The following CD200R1 variants were observed in gnomAD, a reference collection of about 807,000 sequenced individuals.
The protein encoded by CD200R1 is CD200 receptor 1.
Under a neutral mutation model 38.1 loss-of-function variants are expected in CD200R1, and 30 were observed. That is an observed-to-expected ratio of 0.79 (90% CI 0.59 to 1.07). The LOEUF is 1.07. Ranked by LOEUF, CD200R1 falls within the 50% of genes least tolerant of loss-of-function variation. The pLI is 0.00. For missense variants in CD200R1, 372 were observed against 415.4 expected (o/e 0.90, Z 0.91); for synonymous variants, 128 against 152.1 (o/e 0.84, Z 1.16).
chr3:112,943,565 G>A (rs527993854), intron 2 of CD200R1, among the ~76,000 whole-genome samples: 6 of 151,570 alleles, frequency 4.0e-5, no homozygotes, highest in East Asian at 3.9e-4. Flanking sequence ...CCAACTTTAC[G>A]AAACTAGAAA....
At chr3:112,957,991 C>G (rs575811359) in intron 1 of CD200R1, among the ~76,000 whole-genome samples, 1 of 151,972 alleles carries the variant, frequency 6.6e-6, no homozygotes, top group African/African-American at 2.4e-5. Flanking sequence ...AATAATAAAT[C>G]CTGGCAAGAA....
chr3:112,957,290 T>C (rs968107616), intron 1 of CD200R1, among the ~76,000 whole-genome samples: 1 of 152,236 alleles, frequency 6.6e-6, no homozygotes, highest in Non-Finnish European at 1.5e-5. Context: ...TTCAAATTGA[T>C]GTTTATATGG....
intron 1 of CD200R1, among the ~76,000 whole-genome samples, chr3:112,972,403 C>A (rs930636172): frequency 2.0e-5 from 3 of 151,948 alleles, no homozygotes; most frequent in African/African-American, 2.4e-5. Flanking sequence ...AAAATTAGCC[C>A]AAAGAAGGAA....
At chr3:112,940,975 A>G (rs1022355095) in intron 2 of CD200R1, among the ~76,000 whole-genome samples, 2 of 151,886 alleles carry the variant, frequency 1.3e-5, no homozygotes, top group African/African-American at 4.8e-5. Context: ...ATTCAGCCAT[A>G]AAAAATGAAA....
chr3:112,974,177 T>C lies in CD200R1; in HGVS notation c.67+614A>G, dbSNP rs749654585. On this transcript the variant is annotated intron_variant, in intron 1 of 7. Transcript: ENST00000308611. ...GAGGCTGGGTGCAGTGGCTCATGCC[T>C]GTAATCCCAATGCTTTGGGAGTCTG... 7.2e-5 allele frequency among the ~76,000 whole-genome samples: 11 copies of C among 152,098 alleles called. No individual in the cohort carries two copies. The South Asian group carries it at 2.3e-3, about 32-fold the overall frequency.
At chr3:112,946,412 A>G (rs1559951240) in intron 2 of CD200R1, among the ~76,000 whole-genome samples, 1 of 152,240 alleles carries the variant, frequency 6.6e-6, no homozygotes, top group Non-Finnish European at 1.5e-5. Flanking sequence ...TTCAAAAGAC[A>G]TATCCGATAA....
intron 2 of CD200R1, among the ~76,000 whole-genome samples, chr3:112,931,502 G>T (rs1036557568): frequency 2.0e-5 from 3 of 152,144 alleles, no homozygotes; most frequent in African/African-American, 4.8e-5. Context: ...TCTCACATGA[G>T]CTGGTCCAAT....
At chr3:112,943,463 G>A (rs919938667) in intron 2 of CD200R1, among the ~76,000 whole-genome samples, 3 of 151,770 alleles carry the variant, frequency 2.0e-5, no homozygotes, top group Non-Finnish European at 4.4e-5. Flanking sequence ...CAAAATTTGT[G>A]GATGCAGCAG....
intron 1 of CD200R1, among the ~76,000 whole-genome samples, chr3:112,953,420 A>G (rs1045996225): frequency 2.0e-5 from 3 of 152,062 alleles, no homozygotes; most frequent in African/African-American, 7.2e-5. Context: ...TTTTCTTTTT[A>G]TCTGGCGTCC....
intron 1 of CD200R1, among the ~76,000 whole-genome samples, chr3:112,963,084 A>T (rs1933062620): frequency 1.3e-5 from 2 of 152,352 alleles, no homozygotes; most frequent in South Asian, 4.1e-4. Context: ...GTCTGCTGCC[A>T]TGTAAGATGT....
chr3:112,971,509 G>A (rs992087827), intron 1 of CD200R1, among the ~76,000 whole-genome samples: 3 of 152,070 alleles, frequency 2.0e-5, no homozygotes, highest in South Asian at 2.1e-4. Context: ...ATACCTCAGC[G>A]GCATCACAGA....
Position 112,934,699 on chromosome 3 carries a change from G to A in CD200R1, c.137-3528C>T, listed in dbSNP as rs6804725. On this transcript the variant is annotated intron_variant, in intron 2 of 7. Coordinates refer to ENST00000308611, the MANE Select transcript of CD200R1 (RefSeq NM_138806.4). The stretch of plus-strand genomic sequence containing the variant: ...ACAAAAATTAGCTGGACATGGTGGC[G>A]GGCACCTGTAATCCCAGCTACTCAG... 5.8e-3 allele frequency among the ~76,000 whole-genome samples: 884 copies of A among 152,016 alleles called. 9 individuals carry two copies. Among genetic ancestry groups the A allele is most frequent in the African/African-American group, 0.02 (818 of 41,436 alleles).
At chr3:112,971,836 T>A (rs1269276102) in intron 1 of CD200R1, among the ~76,000 whole-genome samples, 1 of 152,184 alleles carries the variant, frequency 6.6e-6, no homozygotes, top group African/African-American at 2.4e-5. Flanking sequence ...CATTTGCACA[T>A]GCTACACATC....
In CD200R1 at chr3:112,923,275, C is replaced by T. The variant is rs16860233; in HGVS notation, c.*402G>A. 6,155 of 155,822 alleles carry T rather than the reference C, an allele frequency of 0.04. 265 individuals are homozygous for T. Among genetic ancestry groups the T allele is most frequent in the East Asian group, 0.22 (1,132 of 5,198 alleles). The allele number at this position is 155,822 out of a possible 1,614,324, so 9.7% of individuals were successfully genotyped here. A position where few individuals can be genotyped will look rare whatever the true frequency, so the allele number is the denominator to read the frequency against. On this transcript the variant is annotated 3_prime_UTR_variant, in exon 8 of 8. Coordinates refer to ENST00000308611, the MANE Select transcript of CD200R1 (RefSeq NM_138806.4). ...ATGTGCATGTATATGTAAGGGGACACATAAATTGACACATATACCATAGGC... is the reference window on the plus strand; with the variant it reads ...ATGTGCATGTATATGTAAGGGGACATATAAATTGACACATATACCATAGGC...
intron 2 of CD200R1, among the ~76,000 whole-genome samples, chr3:112,934,443 G>A (rs1017838698): frequency 6.6e-6 from 1 of 152,004 alleles, no homozygotes; most frequent in Admixed American, 6.6e-5. Context: ...TCAATAAAAT[G>A]ACAGATGTAA....
At chr3:112,957,377 G>C (rs954213145) in intron 1 of CD200R1, among the ~76,000 whole-genome samples, 21 of 152,222 alleles carry the variant, frequency 1.4e-4, no homozygotes, top group African/African-American at 4.8e-4. Context: ...AAATAAAAGT[G>C]TTAAGGCAAT....
At chr3:112,965,645 C>T (rs1049925195) in intron 1 of CD200R1, among the ~76,000 whole-genome samples, 5 of 152,146 alleles carry the variant, frequency 3.3e-5, no homozygotes, top group African/African-American at 1.2e-4. Flanking sequence ...CCTGTAGTCC[C>T]AGCTCCTCGG....
At chr3:112,936,031 A>G (rs1236597185) in intron 2 of CD200R1, among the ~76,000 whole-genome samples, 1 of 152,084 alleles carries the variant, frequency 6.6e-6, no homozygotes, top group Non-Finnish European at 1.5e-5. Context: ...GCTCCCACTT[A>G]TAAGTGAGAA....
intron 2 of CD200R1, among the ~76,000 whole-genome samples, chr3:112,943,975 T>C (rs1559950388): frequency 6.6e-6 from 1 of 151,950 alleles, no homozygotes. Context: ...GGACTGTATC[T>C]ATTAAATAAA....
Sources: gnomAD v4.1 joint callset for allele counts (sites outside exome capture counted in the v4.1 genomes callset) on GRCh38, gnomAD v4.1.1 for gene constraint, MANE v1.5 for transcripts, NCBI Gene and HGNC (gene_info 2026-07-23, HGNC 2026-07-21) for gene names.